Variants in DYNC2H1 observed in about 807,000 individuals in gnomAD.
DYNC2H1 encodes dynein cytoplasmic 2 heavy chain 1.
DYNC2H1 carries 410 observed loss-of-function variants against 570.0 expected under a neutral mutation model. That is an observed-to-expected ratio of 0.72 (90% confidence interval 0.66 to 0.78). DYNC2H1 has a LOEUF of 0.78. Ranked by LOEUF, DYNC2H1 falls within the 30% of genes least tolerant of loss-of-function variation. DYNC2H1 has a pLI of 0.00. For synonymous variants in DYNC2H1, 1,688 were observed against 1,677.6 expected (o/e 1.01, Z -0.15); for missense variants, 4,865 against 5,046.4 (o/e 0.96, Z 1.09).
chr11:103,387,797 A>C (rs1278003936), intron 83 of DYNC2H1, among the ~76,000 whole-genome samples: 1 of 152,206 alleles, frequency 6.6e-6, no homozygotes, highest in Non-Finnish European at 1.5e-5. Context: ...ACGTTTGTCA[A>C]AGATCAGATA....
chr11:103,418,205 TG>T (rs1158611343), intron 84 of DYNC2H1, among the ~76,000 whole-genome samples: 89 of 124,056 alleles, frequency 7.2e-4, no homozygotes, highest in African/African-American at 2.7e-3. Flanking sequence ...ATACAAGTCA[TG>T]CAGATTGGAA....
chr11:103,455,447 CA>C (rs1382667417), intron 86 of DYNC2H1, among the ~76,000 whole-genome samples, 152 bp downstream of exon 86: 1 of 152,100 alleles, frequency 6.6e-6, no homozygotes, highest in East Asian at 1.9e-4. Context: ...TTAAATCATA[CA>C]GTTAACCTTT....
intron 54 of DYNC2H1, among the ~76,000 whole-genome samples, chr11:103,213,615 T>C (rs1465344014): frequency 1.3e-5 from 1 of 78,032 alleles, no homozygotes; most frequent in East Asian, 3.5e-4. Flanking sequence ...CGTTGGCCAT[T>C]TGTGTGTCTT....
At chr11:103,140,124 G>C (rs1427337102) in intron 17 of DYNC2H1, among the ~76,000 whole-genome samples, 3 of 152,058 alleles carry the variant, frequency 2.0e-5, no homozygotes, top group Admixed American at 6.6e-5. Flanking sequence ...ACGTGAGATG[G>C]GTTTCCTGAA....
chr11:103,446,036 T>TG lies in DYNC2H1; in HGVS notation c.12457-9150_12457-9149insG, dbSNP rs1372228067. Among the ~76,000 whole-genome samples, 2 of 121,092 alleles carry TG rather than the reference T, an allele frequency of 1.7e-5. No homozygotes were observed. The highest frequency in any genetic ancestry group is 3.5e-5 in the African/African-American group (1 of 28,634). 79.4% of individuals were successfully genotyped at this position (121,092 alleles called of 152,430 possible). A position where few individuals can be genotyped will look rare whatever the true frequency, so the allele number is the denominator to read the frequency against. ...CTGACAATATGGTAATAGAGCAGAGTTTTGTTGTTGTTGTTGTTGTTGTTG... is the reference window on the plus strand; with the variant it reads ...CTGACAATATGGTAATAGAGCAGAGTGTTTGTTGTTGTTGTTGTTGTTGTTG... On this transcript the variant is annotated intron_variant, in intron 85 of 88. Transcript: ENST00000375735. The surrounding 1 kb of genome is among the most constrained non-coding windows in gnomAD (Gnocchi z 4.5).
At position 103,109,541 on chromosome 11, in the gene DYNC2H1, C is replaced by G; in HGVS notation, c.-34C>G. On this transcript the variant is annotated 5_prime_UTR_variant, in exon 1 of 89. Coordinates refer to ENST00000375735, the MANE Select transcript of DYNC2H1 (RefSeq NM_001377.3). The stretch of plus-strand genomic sequence containing the variant: ...TCCGGACTGGTTTCTTCTTCCTTCC[C>G]CCTTCCCCCAACTTCCCTCCACCCC... 1.3e-6 allele frequency: 2 copies of G among 1,596,456 alleles called. No individual in the cohort carries two copies. Among genetic ancestry groups the G allele is most frequent in the South Asian group, 1.1e-5 (1 of 89,334 alleles).
intron 83 of DYNC2H1, among the ~76,000 whole-genome samples, chr11:103,362,609 A>G (rs188618837): frequency 5.3e-5 from 8 of 152,266 alleles, no homozygotes; most frequent in East Asian, 3.9e-4. Flanking sequence ...AACCAATTCA[A>G]TTAATCAAGT....
At position 103,189,598 on chromosome 11, in the gene DYNC2H1, G is replaced by GT; in HGVS notation, c.7293-73dup. The GT allele has an allele frequency of 4.1e-6, 6 of 1,471,974 alleles. No individual in the cohort carries two copies. The highest frequency in any genetic ancestry group is 2.3e-4 in the Middle Eastern group (1 of 4,288). 91.2% of individuals were successfully genotyped at this position (1,471,974 alleles called of 1,614,324 possible). The stretch of plus-strand genomic sequence containing the variant: ...GCAGCACAGTTTCAAAACCACTGTT[G>GT]TAACTTAACATTGAAATATTAATTT... On this transcript the variant is annotated intron_variant, in intron 44 of 88. Coordinates refer to ENST00000375735, the MANE Select transcript of DYNC2H1 (RefSeq NM_001377.3). The surrounding 1 kb of genome is among the most constrained non-coding windows in gnomAD (Gnocchi z 4.3).
chr11:103,459,328 AAAAAAG>A (rs1944919884), intron 87 of DYNC2H1, among the ~76,000 whole-genome samples: 1 of 149,270 alleles, frequency 6.7e-6, no homozygotes, highest in African/African-American at 2.5e-5. Context: ...AAAAAAAAAA[AAAAAAG>A]GAAATTCCAT....
chr11:103,429,974 GTTC>G (rs34349023), intron 84 of DYNC2H1, among the ~76,000 whole-genome samples: 7,891 of 152,184 alleles, frequency 0.052, 379 homozygotes, highest in East Asian at 0.19. Context: ...TCAAATGAAA[GTTC>G]TTCTGACATT....
intron 75 of DYNC2H1, among the ~76,000 whole-genome samples, chr11:103,301,786 C>T (rs1288941872): frequency 6.6e-6 from 1 of 151,898 alleles, no homozygotes; most frequent in Non-Finnish European, 1.5e-5. Context: ...ATCATGATAA[C>T]ACAGAGTTTA....
Position 103,113,627 on chromosome 11 carries a change from C to G in DYNC2H1, c.286C>G (p.Leu96Val). 6.3e-7 allele frequency: 1 copy of G among 1,575,550 alleles called. No homozygotes were observed. The highest frequency in any genetic ancestry group is 8.6e-7 in the Non-Finnish European group (1 of 1,166,218). Residue 96 changes from leucine (L) to valine (V), a missense_variant, in exon 2 of 89, where the codon CTT becomes GTT. Transcript: ENST00000375735. ...TGATGAGAATCTACATGATAACATT[C>G]TTGTTTCATCTATGTTAGAGTCACC... ...ITDENLHDNI[L>V]VSSMLESPIS...
chr11:103,461,791 A>G lies in DYNC2H1; in HGVS notation c.12648+5435A>G, dbSNP rs1361951882. Among the ~76,000 whole-genome samples, 1 of 152,032 alleles carries G rather than the reference A, an allele frequency of 6.6e-6. No individual in the cohort carries two copies. Among genetic ancestry groups the G allele is most frequent in the East Asian group, 1.9e-4 (1 of 5,190 alleles). ...AACATTTTAAACAAATACAGAAGAG[A>G]GAGTAGTAAAATGAGTCTGCATATT... On this transcript the variant is annotated intron_variant, in intron 87 of 88. Coordinates refer to ENST00000375735, the MANE Select transcript of DYNC2H1 (RefSeq NM_001377.3). The surrounding 1 kb of genome is among the most constrained non-coding windows in gnomAD (Gnocchi z 4.8).
chr11:103,174,241 A>T, intron 36 of DYNC2H1, 71 bp downstream of exon 36: 2 of 1,323,324 alleles, frequency 1.5e-6, no homozygotes, highest in East Asian at 5.1e-5. Context: ...ATAGTTTGAG[A>T]TTTACAGAAA....
Position 103,170,899 on chromosome 11 carries a change from A to G in DYNC2H1, c.5165A>G (p.Lys1722Arg), listed in dbSNP as rs1323763685. 3 of 1,541,546 alleles carry G rather than the reference A, an allele frequency of 1.9e-6. No homozygotes were observed. The South Asian group carries it at 3.8e-5, about 20-fold the overall frequency. The change falls in exon 34 of 89, where the codon AAG (lysine) becomes AGG (arginine). Residue 1722 changes from lysine (K) to arginine (R), a missense_variant. By Grantham distance (26) the Lys-to-Arg change is conservative. Around this residue, in one of 5 missense-constraint regions of DYNC2H1, gnomAD observed 292 missense variants for 300.2 expected, o/e 0.97. Coordinates refer to ENST00000375735, the MANE Select transcript of DYNC2H1 (RefSeq NM_001377.3). The surrounding 1 kb of genome is among the most constrained non-coding windows in gnomAD (Gnocchi z 4.8). ...GTTGTTTTTAAGGGCATCGATGTGA[A>G]GTCAATGGGACGAATATTTGTTGGT... ...VFNCDEGIDV[K>R]SMGRIFVGLV...
intron 83 of DYNC2H1, among the ~76,000 whole-genome samples, chr11:103,394,559 T>TA (rs1942310679): frequency 6.6e-6 from 1 of 151,654 alleles, no homozygotes; most frequent in Non-Finnish European, 1.5e-5. Context: ...GGGAAGGGAA[T>TA]AAAAAAGGAA....
intron 82 of DYNC2H1, among the ~76,000 whole-genome samples, chr11:103,356,559 G>T (rs1940352520): frequency 6.6e-6 from 1 of 152,130 alleles, no homozygotes; most frequent in Non-Finnish European, 1.5e-5. Flanking sequence ...ACACGAATAA[G>T]TGACAGCAAA....
intron 84 of DYNC2H1, among the ~76,000 whole-genome samples, chr11:103,423,408 T>TAAAAA (rs60223334): frequency 1.2e-4 from 15 of 120,490 alleles, no homozygotes; most frequent in African/African-American, 2.7e-4. Flanking sequence ...GCCAAAAAAG[T>TAAAAA]AAAAAAAAAA....
chr11:103,404,607 G>C (rs917088881), intron 84 of DYNC2H1: 1 of 149,694 alleles, frequency 6.7e-6, no homozygotes, highest in Non-Finnish European at 1.5e-5. Flanking sequence ...AAATATAATG[G>C]TGAAGTGGAT....
Sources: allele counts gnomAD v4.1 joint callset (sites outside exome capture counted in the v4.1 genomes callset), GRCh38; gene constraint gnomAD v4.1.1; regional missense constraint gnomAD v4.1.1; non-coding constraint Gnocchi (gnomAD v3.1); transcripts MANE v1.5; gene names NCBI Gene and HGNC (gene_info 2026-07-23, HGNC 2026-07-21).